CACNA1D: variants seen among roughly 807,000 people sequenced by gnomAD.
The protein encoded by CACNA1D is voltage-dependent L-type calcium channel subunit alpha-1D.
CACNA1D carries 55 observed loss-of-function variants against 257.1 expected under a neutral mutation model. That is an observed-to-expected ratio of 0.21 (90% confidence interval 0.17 to 0.27). The LOEUF (loss-of-function observed/expected upper bound fraction) is 0.27. Among genes scored for constraint, CACNA1D ranks in the 10% least tolerant of loss-of-function variants. CACNA1D has a pLI of 1.00. For missense variants in CACNA1D, 1,876 were observed against 2,784.0 expected (o/e 0.67, Z 7.34); for synonymous variants, 980 against 1,014.9 (o/e 0.97, Z 0.65).
chr3:53,691,850 TA>T (rs1559522875), intron 8 of CACNA1D, among the ~76,000 whole-genome samples: 3 of 109,042 alleles, frequency 2.8e-5, no homozygotes, highest in African/African-American at 1.0e-4. Context: ...ACATATATAA[TA>T]TATAATATAT....
rs571068858 is a variant in CACNA1D, at chr3:53,692,933, C to G, written c.1221-9708C>G. On this transcript the variant is annotated intron_variant, in intron 8 of 47. Transcript: ENST00000350061. ...ATTAGCTGGACATGGTGGCGCACAC[C>G]TGTAATTCCAGCTGCTTGGGAGGCT... Among the ~76,000 whole-genome samples, 15 of 152,276 alleles carry G rather than the reference C, an allele frequency of 9.9e-5. No homozygotes were observed. In the South Asian group the frequency reaches 2.7e-3, roughly 27 times the overall value.
At chr3:53,590,504 C>T (rs1439654800) in intron 3 of CACNA1D, among the ~76,000 whole-genome samples, 1 of 152,238 alleles carries the variant, frequency 6.6e-6, no homozygotes, top group African/African-American at 2.4e-5. Context: ...ATCCTATTGC[C>T]TTGGCATCCA....
intron 3 of CACNA1D, among the ~76,000 whole-genome samples, chr3:53,605,516 A>G (rs905991778): frequency 4.6e-5 from 7 of 152,226 alleles, no homozygotes; most frequent in African/African-American, 1.2e-4. Context: ...CAGCATTTCT[A>G]TAAGGATAAT....
chr3:53,562,888 C>G (rs1363358395), intron 3 of CACNA1D, among the ~76,000 whole-genome samples: 1 of 152,162 alleles, frequency 6.6e-6, no homozygotes, highest in Non-Finnish European at 1.5e-5. Flanking sequence ...ATTATTGTTC[C>G]TTGTTTTGCA....
In CACNA1D at chr3:53,789,516, G is replaced by T. The variant is rs2095473189; in HGVS notation, c.4923+2564G>T. Among the ~76,000 whole-genome samples, 1 of 152,212 alleles carries T rather than the reference G, an allele frequency of 6.6e-6. No individual in the cohort carries two copies. Among genetic ancestry groups the T allele is most frequent in the Non-Finnish European group, 1.5e-5 (1 of 68,042 alleles). ...ACGATGTAGCAGTTAGGAAAATTTG[G>T]TGGGACGGCAGTGGGAGAGATATAC... On this transcript the variant is annotated intron_variant, in intron 40 of 47. Coordinates refer to ENST00000350061, the MANE Select transcript of CACNA1D (RefSeq NM_001128840.3). The surrounding 1 kb of genome is among the most constrained non-coding windows in gnomAD (Gnocchi z 4.2).
Position 53,775,983 on chromosome 3 carries a change from A to T in CACNA1D, c.4300A>T (p.Thr1434Ser). Residue 1434 changes from threonine to serine, a missense_variant, in exon 35 of 48, where the codon ACA becomes TCA. By Grantham distance (58) the Thr-to-Ser change is moderately conservative. Coordinates refer to ENST00000350061, the MANE Select transcript of CACNA1D (RefSeq NM_001128840.3). Reference protein sequence around the residue: ...ESDYNPGEEYTCGSNFAIVYF... With the variant: ...ESDYNPGEEYSCGSNFAIVYF... ...AGATTACAACCCCGGGGAGGAGTAT[A>T]CATGTGGGAGCAACTTTGCCATTGT... 6.2e-7 allele frequency: 1 copy of T among 1,614,096 alleles called. No homozygotes were observed. Among genetic ancestry groups the T allele is most frequent in the Non-Finnish European group, 8.5e-7 (1 of 1,179,946 alleles).
chr3:53,809,914 C>T lies in CACNA1D; in HGVS notation c.5872-64C>T, dbSNP rs768020160. 3.3e-6 allele frequency: 5 copies of T among 1,493,898 alleles called. No homozygotes were observed. In the African/African-American group the frequency reaches 6.9e-5, roughly 21 times the overall value. 92.5% of individuals were successfully genotyped at this position (1,493,898 alleles called of 1,614,324 possible). On this transcript the variant is annotated intron_variant, in intron 46 of 47. Coordinates refer to ENST00000350061, the MANE Select transcript of CACNA1D (RefSeq NM_001128840.3). Reference sequence around the variant, plus strand: ...GCAGCGCCGGTGCTTGGTCTGTGCGCAGAAGGTTTGAGGCCCGGACCTCTG... The same window carrying T: ...GCAGCGCCGGTGCTTGGTCTGTGCGTAGAAGGTTTGAGGCCCGGACCTCTG...
At chr3:53,797,878 A>G (rs1215013269) in intron 40 of CACNA1D, 1 of 152,194 alleles carries the variant, frequency 6.6e-6, no homozygotes, top group African/African-American at 2.4e-5. Context: ...TGTAATATGG[A>G]TTAATGTACC....
At chr3:53,743,455 C>T (rs1021374893) in intron 22 of CACNA1D, among the ~76,000 whole-genome samples, 1 of 152,224 alleles carries the variant, frequency 6.6e-6, no homozygotes, top group Non-Finnish European at 1.5e-5. Flanking sequence ...GGCATCCTCT[C>T]TCAGGAACCC....
At chr3:53,576,344 A>C (rs1478377508) in intron 3 of CACNA1D, among the ~76,000 whole-genome samples, 1 of 152,226 alleles carries the variant, frequency 6.6e-6, no homozygotes, top group Non-Finnish European at 1.5e-5. Context: ...GGTGAGTGTT[A>C]TCCTCCGAAA....
At chr3:53,701,936 A>G (rs2094629727) in intron 8 of CACNA1D, among the ~76,000 whole-genome samples, 1 of 152,186 alleles carries the variant, frequency 6.6e-6, no homozygotes, top group African/African-American at 2.4e-5. Context: ...CCTGCAGGGA[A>G]GACTTTTGGG....
chr3:53,759,084 T>C (rs1169998958), intron 29 of CACNA1D, among the ~76,000 whole-genome samples: 2 of 152,164 alleles, frequency 1.3e-5, no homozygotes, highest in Non-Finnish European at 2.9e-5. Flanking sequence ...GCCTTCTGCT[T>C]CCTAGATTAA....
intron 9 of CACNA1D, among the ~76,000 whole-genome samples, chr3:53,708,372 C>T (rs2094714366): frequency 6.6e-6 from 1 of 152,212 alleles, no homozygotes; most frequent in Admixed American, 6.5e-5. Flanking sequence ...GGTCAAGAGC[C>T]CTCACTGGAG....
intron 9 of CACNA1D, among the ~76,000 whole-genome samples, chr3:53,711,785 A>G (rs1356635957): frequency 6.6e-6 from 1 of 152,230 alleles, no homozygotes; most frequent in Non-Finnish European, 1.5e-5. Flanking sequence ...AAAAGTGAAA[A>G]GGAATTAAGA....
chr3:53,573,455 C>G (rs9876748), intron 3 of CACNA1D, among the ~76,000 whole-genome samples: 2,713 of 152,120 alleles, frequency 0.018, 64 homozygotes, highest in African/African-American at 0.062. Context: ...ATGTGGCTGA[C>G]TCTCATTTTC....
intron 2 of CACNA1D, among the ~76,000 whole-genome samples, chr3:53,499,296 C>A (rs564769385): frequency 3.7e-4 from 56 of 152,160 alleles, no homozygotes; most frequent in Admixed American, 1.3e-4. Context: ...AATAGATAGA[C>A]CCTTAAGCAA....
chr3:53,644,204 CAAAT>C (rs1345266345), intron 3 of CACNA1D, among the ~76,000 whole-genome samples: 3 of 152,078 alleles, frequency 2.0e-5, no homozygotes, highest in Non-Finnish European at 2.9e-5. Context: ...TAAAAATTGA[CAAAT>C]AGCTACATAA....
intron 8 of CACNA1D, among the ~76,000 whole-genome samples, chr3:53,698,056 A>G (rs550361514): frequency 4.6e-5 from 7 of 152,362 alleles, no homozygotes; most frequent in Middle Eastern, 3.4e-3. Context: ...TAGGAAATAT[A>G]TGCATTTCCG....
rs755775426 is a variant in CACNA1D, at chr3:53,495,250, C to G, written c.67+17C>G. ...ACGCGAACGGTGAGCAGCCAGAGCC[C>G]GGGCACCCGCTGCCAAATCCGATCC... On this transcript the variant is annotated intron_variant, in intron 1 of 47. Coordinates refer to ENST00000350061, the MANE Select transcript of CACNA1D (RefSeq NM_001128840.3). This position sits in a 1 kb window ranked among gnomAD's most constrained non-coding sequence, Gnocchi z 5.1. The G allele has an allele frequency of 6.2e-7, 1 of 1,613,340 alleles. No homozygotes were observed. The highest frequency in any genetic ancestry group is 2.2e-5 in the East Asian group (1 of 44,860).
Sources: allele counts gnomAD v4.1 joint callset (sites outside exome capture counted in the v4.1 genomes callset), GRCh38; gene constraint gnomAD v4.1.1; non-coding constraint Gnocchi (gnomAD v3.1); transcripts MANE v1.5; gene names NCBI Gene and HGNC (gene_info 2026-07-23, HGNC 2026-07-21).